USP10: variants seen among roughly 807,000 people sequenced by gnomAD.
The protein encoded by USP10 is ubiquitin specific peptidase 10, also known as ubiquitin carboxyl-terminal hydrolase 10.
USP10 carries 22 observed loss-of-function variants against 84.5 expected under a neutral mutation model. The ratio of observed to expected loss-of-function variants is 0.26; its 90% CI spans 0.19 to 0.37. The LOEUF is 0.37. Among genes scored for constraint, USP10 ranks in the 10% least tolerant of loss-of-function variants. USP10 has a pLI of 1.00. For missense variants in USP10, 1,019 were observed against 998.9 expected, an observed-to-expected ratio of 1.02 and a Z score of -0.27; for synonymous variants, 454 against 387.6, an observed-to-expected ratio of 1.17 and a Z score of -2.01.
chr16:84,754,260 G>T (rs907664888), intron 4 of USP10, among the ~76,000 whole-genome samples: 1 of 151,954 alleles, frequency 6.6e-6, no homozygotes, highest in African/African-American at 2.4e-5. Flanking sequence ...AGAATGATAC[G>T]GTATTTTAGT....
At position 84,764,075 on chromosome 16, in the gene USP10, C is replaced by G. The variant is rs768734797; in HGVS notation, c.1655-11C>G. 5 of 1,609,520 alleles carry G rather than the reference C, an allele frequency of 3.1e-6. No homozygotes were observed. The highest frequency in any genetic ancestry group is 3.4e-5 in the Admixed American group (2 of 58,658). On this transcript the variant is annotated splice_polypyrimidine_tract_variant and intron_variant, in intron 9 of 13. Transcript: ENST00000219473. ...GTAAATAGTAGTGTAAGCAGATGCT[C>G]TCCTTTTCAGAACTTACGATTTCCA...
chr16:84,774,081 C>G (rs894492206), intron 12 of USP10, among the ~76,000 whole-genome samples: 20 of 152,046 alleles, frequency 1.3e-4, no homozygotes, highest in African/African-American at 3.6e-4. Context: ...GAAACCCCAA[C>G]TCTTCTAAAA....
chr16:84,775,897 CCT>C (rs10583748), intron 13 of USP10, among the ~76,000 whole-genome samples: 107,540 of 151,748 alleles, frequency 0.71, 39,333 homozygotes, highest in Non-Finnish European at 0.81. Flanking sequence ...ATCTTTTATG[CCT>C]CTGAGTCTTT....
chr16:84,777,560 C>T (rs538815222), intron 13 of USP10, among the ~76,000 whole-genome samples: 1 of 152,262 alleles, frequency 6.6e-6, no homozygotes, highest in East Asian at 1.9e-4. Context: ...CTCCGAAGTA[C>T]GGGCCCCACA....
chr16:84,719,583 T>C (rs1234040594), intron 1 of USP10, among the ~76,000 whole-genome samples: 3 of 152,204 alleles, frequency 2.0e-5, no homozygotes, highest in African/African-American at 4.8e-5. Context: ...GCTGCTCCCC[T>C]GCTAGGTGAG....
At position 84,750,423 on chromosome 16, in the gene USP10, C is replaced by G. The variant is rs907204290; in HGVS notation, c.1192+4750C>G. Among the ~76,000 whole-genome samples, 70 of 138,446 alleles carry G rather than the reference C, an allele frequency of 5.1e-4. No individual in the cohort carries two copies. In the Middle Eastern group the frequency reaches 0.011, roughly 22 times the overall value. 90.8% of individuals were successfully genotyped at this position (138,446 alleles called of 152,430 possible). ...CTGTCTCAAAAAAAAAAAAAAAAAC[C>G]CAAAACTTAATAGCTTGTGTTTGAA... is the stretch of plus-strand genomic sequence containing the variant. On this transcript the variant is annotated intron_variant, in intron 4 of 13. Transcript: ENST00000219473.
rs762674790 is a variant in USP10, at chr16:84,779,911, A to AG, written c.*830dup. 1 of 152,096 alleles carries AG rather than the reference A, an allele frequency of 6.6e-6. No individual in the cohort carries two copies. Among genetic ancestry groups the AG allele is most frequent in the Non-Finnish European group, 1.5e-5 (1 of 68,030 alleles). 9.4% of individuals were successfully genotyped at this position (152,096 alleles called of 1,614,324 possible). On this transcript the variant is annotated 3_prime_UTR_variant, in exon 14 of 14. Coordinates refer to ENST00000219473, the MANE Select transcript of USP10 (RefSeq NM_005153.3). ...TGTCGCCCATCAATAAAAATCACAA[A>AG]GTTGGTTTAAAGGTGTGTGCGTGTT...
At chr16:84,768,059 T>G in intron 10 of USP10, 134 bp from the exon 11 acceptor site, 3 of 890,586 alleles carry the variant, frequency 3.4e-6, no homozygotes, top group Non-Finnish European at 3.3e-6. Context: ...CAGTATATTT[T>G]TGGCTTTTCT....
At position 84,700,119 on chromosome 16, in the gene USP10, C is replaced by T. The variant is rs1278094209; in HGVS notation, c.21+8C>T. On this transcript the variant is annotated splice_region_variant and intron_variant, in intron 1 of 13. Transcript: ENST00000219473. ...GCCCTCCACAGCCCGCAGGTAGCCG[C>T]CGGTCTGCGCCTTCGGCCGGAAGGG... The T allele has an allele frequency of 1.5e-6, 2 of 1,342,428 alleles. No homozygotes were observed. Among genetic ancestry groups the T allele is most frequent in the Non-Finnish European group, 2.0e-6 (2 of 1,025,366 alleles). 83.2% of individuals were successfully genotyped at this position (1,342,428 alleles called of 1,614,324 possible).
At chr16:84,700,210 G>C (rs1904656909) in intron 1 of USP10, 99 bp downstream of exon 1, 2 of 984,888 alleles carry the variant, frequency 2.0e-6, no homozygotes, top group African/African-American at 1.8e-5. Flanking sequence ...GAGCGAGCGT[G>C]TGGGAGTGGG....
chr16:84,764,920 CGAGA>C (rs1450932482), intron 10 of USP10, among the ~76,000 whole-genome samples: 1 of 55,046 alleles, frequency 1.8e-5, no homozygotes, highest in Non-Finnish European at 3.2e-5. Context: ...ACAATAACCA[CGAGA>C]GAGAGAGAAA....
intron 2 of USP10, among the ~76,000 whole-genome samples, chr16:84,736,098 C>T (rs994414009): frequency 5.4e-5 from 8 of 149,486 alleles, no homozygotes; most frequent in South Asian, 4.3e-4. Context: ...GTGTGAGTGG[C>T]GAGGGGAGGG....
At chr16:84,720,311 G>A (rs1053508153) in intron 1 of USP10, among the ~76,000 whole-genome samples, 1 of 152,206 alleles carries the variant, frequency 6.6e-6, no homozygotes, top group South Asian at 2.1e-4. Context: ...ATTTTATTAA[G>A]TGAAAAATCC....
intron 1 of USP10, among the ~76,000 whole-genome samples, chr16:84,711,493 G>A (rs1469557557): frequency 1.3e-5 from 2 of 152,064 alleles, no homozygotes; most frequent in Admixed American, 6.6e-5. Flanking sequence ...ATTTACCATC[G>A]GGAATTCCTG....
intron 1 of USP10, among the ~76,000 whole-genome samples, chr16:84,718,766 A>C (rs1015442826): frequency 4.6e-5 from 7 of 151,832 alleles, no homozygotes; most frequent in South Asian, 2.1e-4. Context: ...AAAAAAACAA[A>C]AAAAAAGTTT....
rs1911098560 is a variant in USP10 at position 84,745,383 on chromosome 16, G to T, written c.902G>T (p.Gly301Val). ...TCGGGTGAGGGCACAGCTACCAACG[G>T]GGTGGAGTTGCACACCACGGAAAGC... ...ESSGEGTATNGVELHTTESID... is the reference protein window; with the variant it reads ...ESSGEGTATNVVELHTTESID... The change falls in exon 4 of 14, where the codon GGG becomes GTG. Residue 301 changes from glycine (G) to valine (V), a missense_variant. Physicochemically the swap from Gly to Val is moderately radical, Grantham distance 109. Coordinates refer to ENST00000219473, the MANE Select transcript of USP10 (RefSeq NM_005153.3). 1 of 1,613,324 alleles carries T rather than the reference G, an allele frequency of 6.2e-7. No homozygotes were observed. Among genetic ancestry groups the T allele is most frequent in the Non-Finnish European group, 8.5e-7 (1 of 1,179,722 alleles).
At chr16:84,741,750 C>T (rs1910651448) in intron 3 of USP10, among the ~76,000 whole-genome samples, 1 of 152,222 alleles carries the variant, frequency 6.6e-6, no homozygotes, top group Non-Finnish European at 1.5e-5. Context: ...TCTCTGCAGC[C>T]TTTCTGGGTA....
At chr16:84,761,559 C>A (rs1315895361) in intron 8 of USP10, among the ~76,000 whole-genome samples, 1 of 152,196 alleles carries the variant, frequency 6.6e-6, no homozygotes, top group Non-Finnish European at 1.5e-5. Flanking sequence ...CGTAACTACT[C>A]CAGCACCAGA....
intron 1 of USP10, among the ~76,000 whole-genome samples, chr16:84,728,141 TGGAGA>T (rs942039874): frequency 1.3e-5 from 2 of 152,224 alleles, no homozygotes; most frequent in African/African-American, 4.8e-5. Context: ...GGAAGGCTTT[TGGAGA>T]AGGAGATGGT....
Sources: allele counts gnomAD v4.1 joint callset (sites outside exome capture counted in the v4.1 genomes callset), GRCh38; gene constraint gnomAD v4.1.1; transcripts MANE v1.5; gene names NCBI Gene and HGNC (gene_info 2026-07-23, HGNC 2026-07-21).